The following ZCCHC14 variants were observed in gnomAD, a reference collection of about 807,000 sequenced individuals.
ZCCHC14 encodes zinc finger CCHC-type containing 14.
Under a neutral mutation model 85.0 loss-of-function variants are expected in ZCCHC14, and 16 were observed. That is an observed-to-expected ratio of 0.19 (90% confidence interval 0.13 to 0.29). The LOEUF (loss-of-function observed/expected upper bound fraction) is 0.29. Ranked by LOEUF, ZCCHC14 falls within the 10% of genes least tolerant of loss-of-function variation. The probability of loss-of-function intolerance (pLI) is 1.00; values close to 1 mark genes in which losing one functional copy is unlikely to be tolerated. For missense variants in ZCCHC14, 1,303 were observed against 1,443.5 expected, an observed-to-expected ratio of 0.90 and a Z score of 1.58; for synonymous variants, 775 against 630.7, an observed-to-expected ratio of 1.23 and a Z score of -3.43.
chr16:87,447,443 C>T (rs1242703460), intron 2 of ZCCHC14, among the ~76,000 whole-genome samples: 1 of 152,194 alleles, frequency 6.6e-6, no homozygotes, highest in Non-Finnish European at 1.5e-5. Context: ...TTTCAATTCT[C>T]TAAAAAGTCT....
intron 1 of ZCCHC14, among the ~76,000 whole-genome samples, chr16:87,469,948 C>G (rs748954081): frequency 2.6e-5 from 4 of 152,192 alleles, no homozygotes; most frequent in Admixed American, 6.5e-5. Context: ...TGTTCTAAAA[C>G]CAGTGCACTT....
At chr16:87,428,934 G>A (rs923442237) in intron 3 of ZCCHC14, among the ~76,000 whole-genome samples, 1 of 152,188 alleles carries the variant, frequency 6.6e-6, no homozygotes, top group African/African-American at 2.4e-5. Flanking sequence ...ATAACACCAG[G>A]GTTGGCCTGT....
chr16:87,411,898 G>C lies in ZCCHC14; in HGVS notation c.2823C>G (p.Val941=), dbSNP rs749211674. ...SGSCGSSGLT[V]SYANYFQHPF... ...GGTGCTGGAAGTAGTTGGCGTAGCT[G>C]ACAGTCAGGCCACTCGAGCCGCAGC... The change falls in exon 12 of 13, where the codon GTC becomes GTG. Residue 941 remains valine (V), a synonymous_variant. Transcript: ENST00000671377. 7 of 1,595,448 alleles carry C rather than the reference G, an allele frequency of 4.4e-6. No homozygotes were observed. The highest frequency in any genetic ancestry group is 4.3e-6 in the Non-Finnish European group (5 of 1,172,450).
chr16:87,411,098 C>T (rs920455766), intron 12 of ZCCHC14, among the ~76,000 whole-genome samples: 22 of 152,252 alleles, frequency 1.4e-4, no homozygotes, highest in African/African-American at 4.8e-4. Context: ...CCCCCACACC[C>T]ACAGCCGCGC....
chr16:87,450,581 T>G (rs1008465141), intron 2 of ZCCHC14, among the ~76,000 whole-genome samples: 8 of 151,842 alleles, frequency 5.3e-5, no homozygotes, highest in South Asian at 2.1e-4. Flanking sequence ...TTTTTTTTTT[T>G]TTTTTTGAGA....
At chr16:87,460,865 C>T (rs1911224391) in intron 1 of ZCCHC14, among the ~76,000 whole-genome samples, 2 of 152,170 alleles carry the variant, frequency 1.3e-5, no homozygotes, top group South Asian at 4.1e-4. Context: ...GCTTTAAAAA[C>T]AACAGCAAAG....
In ZCCHC14 at chr16:87,411,613, A is replaced by C; in HGVS notation, c.3108T>G (p.Ser1036Arg). The C allele has an allele frequency of 6.2e-7, 1 of 1,613,884 alleles. No homozygotes were observed. The highest frequency in any genetic ancestry group is 8.5e-7 in the Non-Finnish European group (1 of 1,180,012). Residue 1036 changes from serine (S) to arginine (R), a missense_variant, in exon 12 of 13, where the codon AGT becomes AGG. Physicochemically the swap from Ser to Arg is moderately radical, Grantham distance 110. Coordinates refer to ENST00000671377, the MANE Select transcript of ZCCHC14 (RefSeq NM_015144.3). ...AAGATAGGTTCCCGCTCTTTTTGTG[A>C]CTGGAACCATTGCTACTGCCCACCA... is the stretch of plus-strand genomic sequence containing the variant. ...QGLVGSSNGS[S>R]HKKSGNLSCY...
chr16:87,486,976 G>T (rs567824724), intron 1 of ZCCHC14, among the ~76,000 whole-genome samples: 1 of 152,324 alleles, frequency 6.6e-6, no homozygotes, highest in Admixed American at 6.5e-5. Flanking sequence ...TAGGGCTAAA[G>T]GAGAAACCAA....
chr16:87,455,054 C>T (rs1473904882), intron 2 of ZCCHC14, among the ~76,000 whole-genome samples: 20 of 152,276 alleles, frequency 1.3e-4, no homozygotes, highest in African/African-American at 4.6e-4. Context: ...TGTGGGAGGC[C>T]GAGGCGGGCA....
Position 87,411,769 on chromosome 16 carries a change from G to A in ZCCHC14, c.2952C>T (p.Phe984=), listed in dbSNP as rs1908454131. 1 of 1,611,762 alleles carries A rather than the reference G, an allele frequency of 6.2e-7. No individual in the cohort carries two copies. The highest frequency in any genetic ancestry group is 8.5e-7 in the Non-Finnish European group (1 of 1,178,850). Residue 984 remains phenylalanine (F), a synonymous_variant, in exon 12 of 13, where the codon TTC becomes TTT. Transcript: ENST00000671377. ...SAQQYGGGST[F]PVVHAPYSSS... Reference sequence around the variant, plus strand: ...TGCTGTAAGGGGCGTGCACGACGGGGAAGGTGGAGCCGCCGCCGTACTGCT... The same window carrying A: ...TGCTGTAAGGGGCGTGCACGACGGGAAAGGTGGAGCCGCCGCCGTACTGCT...
At chr16:87,488,395 T>A (rs1178270469) in intron 1 of ZCCHC14, among the ~76,000 whole-genome samples, 2 of 152,140 alleles carry the variant, frequency 1.3e-5, no homozygotes, top group Non-Finnish European at 2.9e-5. Context: ...CAGCCTACCA[T>A]CAGTGTGGCT....
At chr16:87,422,251 G>C (rs1401041767) in intron 4 of ZCCHC14, among the ~76,000 whole-genome samples, 1 of 152,210 alleles carries the variant, frequency 6.6e-6, no homozygotes, top group Non-Finnish European at 1.5e-5. Flanking sequence ...GGGCAGAACT[G>C]AGGGGATCGG....
chr16:87,461,904 G>A (rs1252761592), intron 1 of ZCCHC14, among the ~76,000 whole-genome samples: 1 of 152,188 alleles, frequency 6.6e-6, no homozygotes, highest in Non-Finnish European at 1.5e-5. Context: ...CAGATCCCAC[G>A]CGGCTCAACA....
chr16:87,426,318 T>C (rs912732611), intron 3 of ZCCHC14, among the ~76,000 whole-genome samples: 8 of 152,198 alleles, frequency 5.3e-5, no homozygotes, highest in African/African-American at 1.9e-4. Context: ...TGTCCAACCA[T>C]ACTCACAAGC....
intron 1 of ZCCHC14, among the ~76,000 whole-genome samples, chr16:87,463,661 A>T (rs1022555136): frequency 6.6e-6 from 1 of 152,142 alleles, no homozygotes; most frequent in Non-Finnish European, 1.5e-5. Context: ...CGTCTCTACT[A>T]AAAATACAAA....
At chr16:87,427,234 A>G (rs1272447241) in intron 3 of ZCCHC14, among the ~76,000 whole-genome samples, 1 of 152,240 alleles carries the variant, frequency 6.6e-6, no homozygotes, top group Non-Finnish European at 1.5e-5. Flanking sequence ...CTTGGAGGGC[A>G]GGGTCTACCT....
At chr16:87,473,104 C>A (rs1375607553) in intron 1 of ZCCHC14, 2 of 152,206 alleles carry the variant, frequency 1.3e-5, no homozygotes, top group Admixed American at 1.3e-4. Flanking sequence ...GCAGCCAGCA[C>A]CCTCTCCATT....
chr16:87,413,331 C>G lies in ZCCHC14; in HGVS notation c.1604-136G>C. 10 of 1,297,538 alleles carry G rather than the reference C, an allele frequency of 7.7e-6. No individual in the cohort carries two copies. In the South Asian group the frequency reaches 1.6e-4, roughly 20 times the overall value. 80.4% of individuals were successfully genotyped at this position (1,297,538 alleles called of 1,614,324 possible). A position where few individuals can be genotyped will look rare whatever the true frequency, so the allele number is the denominator to read the frequency against. On this transcript the variant is annotated intron_variant, in intron 10 of 12. Transcript: ENST00000671377. The stretch of plus-strand genomic sequence containing the variant: ...GGCTCTGAGAGTCAGAAAACGAACA[C>G]GCCGGCCCAGGCCGCACGGTGACGG...
chr16:87,412,548 C>G lies in ZCCHC14; in HGVS notation c.2173G>C (p.Val725Leu). Residue 725 changes from valine (V) to leucine (L), a missense_variant, in exon 12 of 13, where the codon GTC becomes CTC. Val to Leu is a conservative substitution (Grantham distance 32). This residue lies in a region of ZCCHC14 where 797 missense variants were observed against 730.8 expected (regional missense o/e 1.09). Transcript: ENST00000671377. Reference protein sequence around the residue: ...LSESSSMSPTVSFGPRTKVVH... With the variant: ...LSESSSMSPTLSFGPRTKVVH... ...ACTTTGGTCCGGGGACCAAAGGAGACTGTGGGTGACATGGAGCTGCTCTCC... is the reference window on the plus strand; with the variant it reads ...ACTTTGGTCCGGGGACCAAAGGAGAGTGTGGGTGACATGGAGCTGCTCTCC... 2 of 1,614,086 alleles carry G rather than the reference C, an allele frequency of 1.2e-6. No homozygotes were observed. The highest frequency in any genetic ancestry group is 2.2e-5 in the South Asian group (2 of 91,076).
Sources: gnomAD v4.1 joint callset for allele counts (sites outside exome capture counted in the v4.1 genomes callset) on GRCh38, gnomAD v4.1.1 for gene constraint, gnomAD v4.1.1 regional missense constraint, MANE v1.5 for transcripts, NCBI Gene and HGNC (gene_info 2026-07-23, HGNC 2026-07-21) for gene names.